Variants in CSMD2 observed in about 807,000 individuals in gnomAD.
The protein encoded by CSMD2 is CUB and sushi domain-containing protein 2.
Under a neutral mutation model 398.5 loss-of-function variants are expected in CSMD2, and 130 were observed. The observed-to-expected ratio is 0.33, with a 90% CI of 0.28 to 0.38. CSMD2 has a LOEUF of 0.38. CSMD2 is among the 10% of genes least tolerant of loss of function. CSMD2 has a pLI of 1.00. For missense variants in CSMD2, 3,829 were observed against 4,764.9 expected (o/e 0.80, Z 5.78); for synonymous variants, 1,828 against 1,908.5 (o/e 0.96, Z 1.10).
intron 13 of CSMD2, among the ~76,000 whole-genome samples, chr1:33,767,060 C>G (rs1650600935): frequency 1.3e-5 from 2 of 152,158 alleles, no homozygotes; most frequent in South Asian, 4.1e-4. Context: ...TGAAGATGCT[C>G]ATTATAGCCT....
chr1:33,517,099 C>T (rs957338502), intron 70 of CSMD2, among the ~76,000 whole-genome samples: 1 of 152,084 alleles, frequency 6.6e-6, no homozygotes, highest in African/African-American at 2.4e-5. Context: ...GGCCTCGTTG[C>T]TTCCTTAGTA....
intron 41 of CSMD2, among the ~76,000 whole-genome samples, chr1:33,608,185 T>C (rs907880088): frequency 6.6e-6 from 1 of 152,080 alleles, no homozygotes; most frequent in Non-Finnish European, 1.5e-5. Context: ...TGGGGGTAGT[T>C]AGGCCTCTTC....
At chr1:33,651,308 G>A (rs183686709) in intron 28 of CSMD2, among the ~76,000 whole-genome samples, 8 of 152,352 alleles carry the variant, frequency 5.3e-5, no homozygotes, top group Non-Finnish European at 8.8e-5. Flanking sequence ...GGAAGAAGCC[G>A]TGAGAGCAGG....
intron 12 of CSMD2, among the ~76,000 whole-genome samples, chr1:33,779,808 T>C (rs943328349): frequency 2.6e-5 from 4 of 152,200 alleles, no homozygotes; most frequent in Admixed American, 2.0e-4. Flanking sequence ...GGTAAGTTCC[T>C]TGAGGACCGA....
chr1:34,079,173 C>T (rs1480881435), intron 2 of CSMD2, among the ~76,000 whole-genome samples: 3 of 152,016 alleles, frequency 2.0e-5, no homozygotes, highest in East Asian at 1.9e-4. Context: ...TGCTAAAAGA[C>T]GAAATGTTTT....
chr1:34,157,261 A>T (rs151173540), intron 1 of CSMD2, among the ~76,000 whole-genome samples: 73 of 152,304 alleles, frequency 4.8e-4, no homozygotes, highest in Non-Finnish European at 8.1e-4. Context: ...GAAACTGACC[A>T]ACGTTCACAA....
At chr1:33,717,810 C>T (rs553886877) in intron 19 of CSMD2, among the ~76,000 whole-genome samples, 6 of 151,620 alleles carry the variant, frequency 4.0e-5, no homozygotes, top group African/African-American at 1.2e-4. Flanking sequence ...GAAGTTGGAG[C>T]GATGGGGGAG....
intron 37 of CSMD2, among the ~76,000 whole-genome samples, chr1:33,619,396 A>AT: frequency 6.6e-6 from 1 of 152,210 alleles, no homozygotes; most frequent in East Asian, 1.9e-4. Flanking sequence ...GAAAAGAAAC[A>AT]GGAAAGGACC....
chr1:34,011,375 AG>A (rs1276551847), intron 3 of CSMD2, among the ~76,000 whole-genome samples: 6 of 152,156 alleles, frequency 3.9e-5, no homozygotes, highest in Non-Finnish European at 7.3e-5. Context: ...AAACTGGCAA[AG>A]GAGTCCCATT....
intron 28 of CSMD2, among the ~76,000 whole-genome samples, chr1:33,651,766 CT>C (rs1221493830): frequency 6.6e-6 from 1 of 152,104 alleles, no homozygotes; most frequent in African/African-American, 2.4e-5. Context: ...TCGTGGGTGG[CT>C]TTTATCAGAG....
chr1:33,646,856 A>T (rs1416228511), intron 28 of CSMD2, 21 bp from the exon 29 acceptor site: 1 of 1,569,370 alleles, frequency 6.4e-7, no homozygotes, highest in Non-Finnish European at 8.7e-7. Context: ...AAAACATCCC[A>T]CCCCCACCCC....
At chr1:33,596,220 G>C (rs752045095) in intron 44 of CSMD2, among the ~76,000 whole-genome samples, 1 of 151,890 alleles carries the variant, frequency 6.6e-6, no homozygotes. Flanking sequence ...TCCTTTCCTG[G>C]GCTGAACCTT....
chr1:33,687,966 C>T (rs140727804), intron 25 of CSMD2, among the ~76,000 whole-genome samples: 153 of 152,306 alleles, frequency 1.0e-3, no homozygotes, highest in African/African-American at 3.3e-3. Context: ...AAAGTATTGA[C>T]AATGTCTAGT....
intron 13 of CSMD2, among the ~76,000 whole-genome samples, chr1:33,750,049 G>A (rs183666429): frequency 3.9e-5 from 6 of 151,952 alleles, no homozygotes; most frequent in Admixed American, 3.9e-4. Context: ...ACAACAATAA[G>A]CCAACATGAC....
chr1:33,559,171 C>T lies in CSMD2; in HGVS notation c.8554+129G>A. On this transcript the variant is annotated intron_variant, in intron 54 of 70. Coordinates refer to ENST00000373381, the MANE Select transcript of CSMD2 (RefSeq NM_001281956.2). The surrounding 1 kb of genome is among the most constrained non-coding windows in gnomAD (Gnocchi z 4.0). ...GAGAAAGTCCTCATTTATGACCCTT[C>T]TCTGCTCCATCTTCCCTATCTGGAT... 1.2e-6 allele frequency: 1 copy of T among 831,856 alleles called. No homozygotes were observed. The highest frequency in any genetic ancestry group is 1.8e-6 in the Non-Finnish European group (1 of 551,794). The allele number at this position is 831,856 out of a possible 1,614,324, so 51.5% of individuals were successfully genotyped here.
intron 25 of CSMD2, among the ~76,000 whole-genome samples, chr1:33,682,667 C>T (rs1571211279): frequency 6.6e-6 from 1 of 152,194 alleles, no homozygotes; most frequent in Admixed American, 6.5e-5. Flanking sequence ...TATGTACTTG[C>T]CTGTGTGAGT....
intron 10 of CSMD2, 131 bp from the exon 11 acceptor site, chr1:33,792,657 C>T: frequency 1.5e-6 from 1 of 659,520 alleles, no homozygotes; most frequent in Non-Finnish European, 2.8e-6. Flanking sequence ...CCTAAACAAA[C>T]TGACCATTTC....
chr1:33,621,981 G>A (rs1641802976), intron 37 of CSMD2, among the ~76,000 whole-genome samples, 186 bp downstream of exon 37: 1 of 152,184 alleles, frequency 6.6e-6, no homozygotes, highest in South Asian at 2.1e-4. Flanking sequence ...CAGACACTTG[G>A]ACGAGAACAC....
intron 15 of CSMD2, among the ~76,000 whole-genome samples, chr1:33,732,235 C>A (rs893847814): frequency 6.6e-6 from 1 of 152,168 alleles, no homozygotes; most frequent in Non-Finnish European, 1.5e-5. Context: ...ACTGTCCCAG[C>A]ACCTGGTACT....
Sources: gnomAD v4.1 joint callset for allele counts (sites outside exome capture counted in the v4.1 genomes callset) on GRCh38, gnomAD v4.1.1 for gene constraint, Gnocchi (gnomAD v3.1) non-coding constraint, MANE v1.5 for transcripts, NCBI Gene and HGNC (gene_info 2026-07-23, HGNC 2026-07-21) for gene names.